The following USH2A variants were observed in gnomAD, a reference collection of about 807,000 sequenced individuals.
USH2A encodes the protein usherin, also known as Usher syndrome 2A (autosomal recessive, mild).
In USH2A, 443 loss-of-function variants were observed where a neutral mutation model predicts 538.9. That is an observed-to-expected ratio of 0.82 (90% confidence interval 0.76 to 0.89). The LOEUF (loss-of-function observed/expected upper bound fraction) is 0.89. Among genes scored for constraint, USH2A ranks in the 40% least tolerant of loss-of-function variants. The probability of loss-of-function intolerance (pLI) is 0.00; values close to 1 mark genes in which losing one functional copy is unlikely to be tolerated. For synonymous variants in USH2A, 2,413 were observed against 2,273.5 expected (o/e 1.06, Z -1.75); for missense variants, 6,633 against 6,324.8 (o/e 1.05, Z -1.65).
chr1:216,036,753 G>A (rs1223443628), intron 32 of USH2A, among the ~76,000 whole-genome samples: 2 of 151,998 alleles, frequency 1.3e-5, no homozygotes, highest in Non-Finnish European at 2.9e-5. Flanking sequence ...TTTTCCAATG[G>A]CTTTCTGGAA....
chr1:216,177,503 A>G lies in USH2A; in HGVS notation c.4397-2021T>C, dbSNP rs142318318. On this transcript the variant is annotated intron_variant, in intron 20 of 71. Coordinates refer to ENST00000307340, the MANE Select transcript of USH2A (RefSeq NM_206933.4). ...CAAGCCTGTGAGTTCAGCAGTTTAC[A>G]CACAACGGTCCAGGCAACTAACTTT... 6.8e-3 allele frequency among the ~76,000 whole-genome samples: 1,031 copies of G among 152,272 alleles called. 6 individuals carry two copies. Among genetic ancestry groups the G allele is most frequent in the Non-Finnish European group, 0.011 (732 of 68,024 alleles).
chr1:215,773,026 T>C (rs1305760899), intron 55 of USH2A, among the ~76,000 whole-genome samples: 1 of 152,222 alleles, frequency 6.6e-6, no homozygotes, highest in African/African-American at 2.4e-5. Context: ...TCCTTGCTAA[T>C]GATACAGGAG....
chr1:215,762,665 A>C (rs1363391555), intron 56 of USH2A, among the ~76,000 whole-genome samples: 1 of 152,178 alleles, frequency 6.6e-6, no homozygotes, highest in Non-Finnish European at 1.5e-5. Flanking sequence ...CTTTGGTGAG[A>C]TATATTAATG....
chr1:216,083,310 C>T, intron 26 of USH2A, 146 bp downstream of exon 26: 1 of 899,288 alleles, frequency 1.1e-6, no homozygotes, highest in South Asian at 2.0e-5. Flanking sequence ...CACAGGACTT[C>T]AAAACTAAAA....
Position 216,409,886 on chromosome 1 carries a change from C to G in USH2A, c.651+8628G>C, listed in dbSNP as rs555924810. 2.6e-5 allele frequency among the ~76,000 whole-genome samples: 4 copies of G among 152,176 alleles called. No homozygotes were observed. In the East Asian group the frequency reaches 7.7e-4, roughly 29 times the overall value. The stretch of plus-strand genomic sequence containing the variant: ...AATGGGATCAAATTAAATTAAAGAG[C>G]TTCTGCACAGCAAAACGAACTATCA... On this transcript the variant is annotated intron_variant, in intron 3 of 71. Transcript: ENST00000307340.
chr1:216,286,588 G>A (rs1571661872), intron 11 of USH2A, among the ~76,000 whole-genome samples: 2 of 152,162 alleles, frequency 1.3e-5, no homozygotes, highest in African/African-American at 4.8e-5. Context: ...GCCAGGCATG[G>A]TGGTGAGCAT....
chr1:216,071,725 C>T (rs551946243), intron 29 of USH2A, among the ~76,000 whole-genome samples: 2 of 152,158 alleles, frequency 1.3e-5, no homozygotes, highest in Non-Finnish European at 2.9e-5. Context: ...CTGAATTATA[C>T]TCAAAGCGGG....
intron 37 of USH2A, among the ~76,000 whole-genome samples, chr1:215,960,347 T>C (rs1667168538): frequency 1.3e-5 from 2 of 152,088 alleles, no homozygotes; most frequent in South Asian, 2.1e-4. Context: ...CTTACACATT[T>C]GTTTTATTTT....
intron 70 of USH2A, among the ~76,000 whole-genome samples, chr1:215,629,683 C>A (rs79237121): frequency 3.3e-5 from 5 of 151,766 alleles, no homozygotes; most frequent in Non-Finnish European, 5.9e-5. Context: ...TAGAACGCGC[C>A]GTAAGATAAA....
At chr1:216,344,012 C>G (rs2038128028) in intron 4 of USH2A, among the ~76,000 whole-genome samples, 1 of 151,980 alleles carries the variant, frequency 6.6e-6, no homozygotes, top group Non-Finnish European at 1.5e-5. Context: ...TTTCACTTTA[C>G]TCTATGGACT....
At chr1:216,073,423 TC>T in intron 27 of USH2A, 123 bp from the exon 28 acceptor site, 1 of 1,044,342 alleles carries the variant, frequency 9.6e-7, no homozygotes, top group Non-Finnish European at 1.4e-6. Flanking sequence ...TGCTAGACTT[TC>T]GAGTCTTCCT....
chr1:216,060,299 C>G (rs12409245), intron 30 of USH2A, among the ~76,000 whole-genome samples: 11 of 152,138 alleles, frequency 7.2e-5, no homozygotes, highest in Non-Finnish European at 1.3e-4. Flanking sequence ...TGAGAATCAC[C>G]TTATGACCAG....
intron 40 of USH2A, among the ~76,000 whole-genome samples, chr1:215,889,396 G>T (rs925612555): frequency 3.3e-5 from 5 of 152,116 alleles, no homozygotes; most frequent in African/African-American, 1.2e-4. Context: ...TGTTACTAAA[G>T]TTCTAGCTTC....
At chr1:215,735,611 T>C (rs2797259) in intron 60 of USH2A, among the ~76,000 whole-genome samples, 27,083 of 152,128 alleles carry the variant, frequency 0.18, 2,574 homozygotes, top group Non-Finnish European at 0.2. Context: ...AAAGCAGAAG[T>C]ATTTAAAAGA....
chr1:216,267,889 T>C (rs1428870576), intron 11 of USH2A, among the ~76,000 whole-genome samples: 1 of 152,098 alleles, frequency 6.6e-6, no homozygotes, highest in Non-Finnish European at 1.5e-5. Context: ...TCAGCAAAAG[T>C]TATTTTGAGT....
In USH2A at chr1:215,836,835, C is replaced by G. The variant is rs1037936631; in HGVS notation, c.9371+1156G>C. Among the ~76,000 whole-genome samples the G allele has an allele frequency of 5.3e-5, 8 of 150,874 alleles. No individual in the cohort carries two copies. The East Asian group carries it at 1.6e-3, about 30-fold the overall frequency. Reference sequence around the variant, plus strand: ...CCTCCCAAAGTGCTGGGATTACAGGCGTGAGCCACCACGCCCCACCTTGCC... The same window carrying G: ...CCTCCCAAAGTGCTGGGATTACAGGGGTGAGCCACCACGCCCCACCTTGCC... On this transcript the variant is annotated intron_variant, in intron 47 of 71. Coordinates refer to ENST00000307340, the MANE Select transcript of USH2A (RefSeq NM_206933.4).
At chr1:216,072,465 G>C (rs1249743555) in intron 29 of USH2A, 4 of 275,736 alleles carry the variant, frequency 1.5e-5, no homozygotes, top group Non-Finnish European at 2.8e-5. Context: ...ATTCCAACCA[G>C]TTGCAGGTTT....
chr1:216,119,422 A>G (rs1304501678), intron 21 of USH2A, among the ~76,000 whole-genome samples: 1 of 151,778 alleles, frequency 6.6e-6, no homozygotes, highest in African/African-American at 2.4e-5. Context: ...CTACTCTAAT[A>G]TTACAGTATA....
intron 9 of USH2A, among the ~76,000 whole-genome samples, chr1:216,319,269 A>G (rs1055588641): frequency 1.6e-4 from 24 of 152,184 alleles, no homozygotes; most frequent in African/African-American, 5.8e-4. Flanking sequence ...AATATAATAA[A>G]TGTTGCTTTA....
Sources: allele counts gnomAD v4.1 joint callset (sites outside exome capture counted in the v4.1 genomes callset), GRCh38; gene constraint gnomAD v4.1.1; transcripts MANE v1.5; gene names NCBI Gene and HGNC (gene_info 2026-07-23, HGNC 2026-07-21).